LAMA2: variants seen among roughly 807,000 people sequenced by gnomAD.
LAMA2 encodes laminin subunit alpha-2.
In LAMA2, 269 loss-of-function variants were observed where a neutral mutation model predicts 364.8. The ratio of observed to expected loss-of-function variants is 0.74; its 90% CI spans 0.67 to 0.82. The LOEUF (loss-of-function observed/expected upper bound fraction) is 0.82, where lower values mean the gene tolerates loss of function less well. LAMA2 is among the 40% of genes least tolerant of loss of function. The pLI is 0.00. For missense variants in LAMA2, 3,807 were observed against 3,873.2 expected (o/e 0.98, Z 0.45); for synonymous variants, 1,379 against 1,370.6 (o/e 1.01, Z -0.14).
chr6:129,406,769 T>C (rs1475227144), intron 40 of LAMA2, among the ~76,000 whole-genome samples: 1 of 152,116 alleles, frequency 6.6e-6, no homozygotes, highest in Non-Finnish European at 1.5e-5. Context: ...AGGATAGATG[T>C]ATACAAGAAG....
At chr6:129,024,363 G>A (rs1383874946) in intron 1 of LAMA2, among the ~76,000 whole-genome samples, 1 of 142,606 alleles carries the variant, frequency 7.0e-6, no homozygotes, top group Non-Finnish European at 1.5e-5. Context: ...CTGTACAGCT[G>A]TAGCTTTTTC....
chr6:128,962,069 C>T (rs1224650405), intron 1 of LAMA2, among the ~76,000 whole-genome samples: 1 of 144,442 alleles, frequency 6.9e-6, no homozygotes, highest in Non-Finnish European at 1.5e-5. Context: ...TAGTACCACT[C>T]ACTCCATCCA....
chr6:128,929,172 G>T, intron 1 of LAMA2: 2 of 1,458,478 alleles, frequency 1.4e-6, no homozygotes. Context: ...TAGATAAAAT[G>T]AATGGGGATA....
intron 4 of LAMA2, among the ~76,000 whole-genome samples, chr6:129,106,978 G>A (rs1775867337): frequency 6.6e-6 from 1 of 151,612 alleles, no homozygotes; most frequent in African/African-American, 2.4e-5. Flanking sequence ...GAATGAGAAT[G>A]GAATCCTGAG....
At chr6:129,397,265 T>G (rs1021307484) in intron 37 of LAMA2, among the ~76,000 whole-genome samples, 7 of 152,218 alleles carry the variant, frequency 4.6e-5, no homozygotes, top group Admixed American at 4.6e-4. Flanking sequence ...TACATAGGCC[T>G]TCTTTCTGTT....
chr6:129,063,685 C>T (rs1789091118), intron 3 of LAMA2, among the ~76,000 whole-genome samples: 1 of 152,100 alleles, frequency 6.6e-6, no homozygotes, highest in African/African-American at 2.4e-5. Context: ...AATGCGTTTA[C>T]CAAACAAGAT....
At chr6:129,175,429 G>C (rs568565798) in intron 9 of LAMA2, among the ~76,000 whole-genome samples, 1 of 152,282 alleles carries the variant, frequency 6.6e-6, no homozygotes, top group East Asian at 1.9e-4. Context: ...CATAAGATAA[G>C]TGCTATTTGA....
intron 1 of LAMA2, among the ~76,000 whole-genome samples, chr6:128,918,782 C>T (rs1437491798): frequency 6.6e-6 from 1 of 152,140 alleles, no homozygotes; most frequent in African/African-American, 2.4e-5. Context: ...TAATTTTAGT[C>T]CAATCCAGTA....
intron 12 of LAMA2, among the ~76,000 whole-genome samples, chr6:129,241,480 G>A (rs265377): frequency 0.94 from 142,437 of 152,274 alleles, 66,927 homozygotes; most frequent in Non-Finnish European, 0.97. Flanking sequence ...GTACCAAGTG[G>A]GGAGTTTTAT....
intron 10 of LAMA2, among the ~76,000 whole-genome samples, chr6:129,180,034 AC>A: frequency 1.2e-5 from 1 of 82,648 alleles, no homozygotes; most frequent in South Asian, 3.4e-4. Flanking sequence ...CTGAAAAGAC[AC>A]TTAGTGTAGT....
In LAMA2 at chr6:129,267,220, G is replaced by C. The variant is rs945091158; in HGVS notation, c.2322+1G>C. 16 of 1,585,664 alleles carry C rather than the reference G, an allele frequency of 1.0e-5. No individual in the cohort carries two copies. The highest frequency in any genetic ancestry group is 1.4e-5 in the Non-Finnish European group (16 of 1,154,312). ...TGATGACGTCACTGGAGAATGCCTG[G>C]TAAGTGCTCTCTTCTTTGGGGATGC... is the stretch of plus-strand genomic sequence containing the variant. On this transcript the variant is annotated splice_donor_variant, in intron 16 of 64. Transcript: ENST00000421865. LOFTEE classifies it high-confidence loss of function.
intron 1 of LAMA2, among the ~76,000 whole-genome samples, chr6:128,978,221 G>A (rs1009919789): frequency 2.0e-5 from 3 of 152,162 alleles, no homozygotes; most frequent in Non-Finnish European, 2.9e-5. Context: ...CATTGAGGTC[G>A]CTTGTGAATA....
At chr6:129,154,704 C>A in intron 8 of LAMA2, 21 bp downstream of exon 8, 1 of 1,600,570 alleles carries the variant, frequency 6.2e-7, no homozygotes, top group African/African-American at 1.3e-5. Flanking sequence ...CTTTTTCTTT[C>A]ATAAAGAGTT....
At chr6:129,016,329 G>A (rs996554751) in intron 1 of LAMA2, among the ~76,000 whole-genome samples, 9 of 151,970 alleles carry the variant, frequency 5.9e-5, no homozygotes, top group Non-Finnish European at 1.0e-4. Flanking sequence ...AATTCAACTT[G>A]TAAGCATATA....
At chr6:129,081,440 G>C (rs1418572273) in intron 3 of LAMA2, among the ~76,000 whole-genome samples, 1 of 152,092 alleles carries the variant, frequency 6.6e-6, no homozygotes, top group Admixed American at 6.6e-5. Context: ...ATATTTTCTT[G>C]ATTTTTTCCA....
Position 129,297,716 on chromosome 6 carries a change from G to C in LAMA2, c.2888G>C (p.Gly963Ala), listed in dbSNP as rs769611474. The change falls in exon 21 of 65, where the codon GGC becomes GCC. Residue 963 changes from glycine to alanine, a missense_variant. Coordinates refer to ENST00000421865, the MANE Select transcript of LAMA2 (RefSeq NM_000426.4). ...AGTFGLQSARGCVPCNCNSFG... is the reference protein window; with the variant it reads ...AGTFGLQSARACVPCNCNSFG... ...ACCTTTGGCCTACAATCAGCAAGGG[G>C]CTGTGTTCCCTGCAACTGCAATTCT... 1 of 1,614,016 alleles carries C rather than the reference G, an allele frequency of 6.2e-7. No homozygotes were observed. Among genetic ancestry groups the C allele is most frequent in the Non-Finnish European group, 8.5e-7 (1 of 1,179,952 alleles).
At chr6:128,930,939 C>T (rs1436180619) in intron 1 of LAMA2, among the ~76,000 whole-genome samples, 1 of 152,098 alleles carries the variant, frequency 6.6e-6, no homozygotes, top group Non-Finnish European at 1.5e-5. Flanking sequence ...TCCTATGATT[C>T]TAAGATGCTC....
Position 129,346,849 on chromosome 6 carries a change from G to T in LAMA2, c.4437-2449G>T, listed in dbSNP as rs571805179. Among the ~76,000 whole-genome samples the T allele has an allele frequency of 5.9e-5, 9 of 152,264 alleles. No individual in the cohort carries two copies. The East Asian group carries it at 1.4e-3, about 23-fold the overall frequency. On this transcript the variant is annotated intron_variant, in intron 30 of 64. Transcript: ENST00000421865. ...ACTCAAGGAACTTAGAGTGATGAAGGTATGATTTTAGATGAGGTGGTCCAT... is the reference window on the plus strand; with the variant it reads ...ACTCAAGGAACTTAGAGTGATGAAGTTATGATTTTAGATGAGGTGGTCCAT...
intron 1 of LAMA2, among the ~76,000 whole-genome samples, chr6:128,955,772 A>C (rs577957511): frequency 4.6e-5 from 7 of 151,978 alleles, no homozygotes; most frequent in Non-Finnish European, 8.8e-5. Flanking sequence ...GCTACTATAC[A>C]AAAATCAAAG....
Sources: gnomAD v4.1 joint callset for allele counts (sites outside exome capture counted in the v4.1 genomes callset) on GRCh38, gnomAD v4.1.1 for gene constraint, MANE v1.5 for transcripts, NCBI Gene and HGNC (gene_info 2026-07-23, HGNC 2026-07-21) for gene names.